ADGRB3: variants seen among roughly 807,000 people sequenced by gnomAD.
ADGRB3 encodes the protein brain-specific angiogenesis inhibitor 3.
In ADGRB3, 37 loss-of-function variants were observed where a neutral mutation model predicts 193.4. The ratio of observed to expected loss-of-function variants is 0.19; its 90% CI spans 0.15 to 0.25. The LOEUF is 0.25. Ranked by LOEUF, ADGRB3 falls within the 10% of genes least tolerant of loss-of-function variation. The probability of loss-of-function intolerance (pLI) is 1.00; values close to 1 mark genes in which losing one functional copy is unlikely to be tolerated. For missense variants in ADGRB3, 1,637 were observed against 1,852.9 expected, an observed-to-expected ratio of 0.88 and a Z score of 2.14; for synonymous variants, 690 against 644.2, an observed-to-expected ratio of 1.07 and a Z score of -1.08.
At chr6:69,146,821 C>CTTTTTTTTTTTTTTTTTTTT (rs756561473) in intron 17 of ADGRB3, among the ~76,000 whole-genome samples, 3 of 103,242 alleles carry the variant, frequency 2.9e-5, no homozygotes, top group Non-Finnish European at 5.5e-5. Context: ...CTCATTACTT[C>CTTTTTTTTTTTTTTTTTTTT]TTTTTTTTTT....
chr6:69,064,579 T>G (rs965257090), intron 16 of ADGRB3, among the ~76,000 whole-genome samples: 3 of 151,980 alleles, frequency 2.0e-5, no homozygotes, highest in African/African-American at 7.2e-5. Context: ...TATTCAAAAT[T>G]TTTTACAAAA....
At chr6:69,195,692 C>T (rs1765279225) in intron 17 of ADGRB3, among the ~76,000 whole-genome samples, 1 of 151,978 alleles carries the variant, frequency 6.6e-6, no homozygotes, top group Admixed American at 6.6e-5. Context: ...TTTGGAGAAA[C>T]CAATACACAA....
At chr6:68,806,044 G>A (rs1767394840) in intron 3 of ADGRB3, among the ~76,000 whole-genome samples, 1 of 152,144 alleles carries the variant, frequency 6.6e-6, no homozygotes. Context: ...CGTAGTCACA[G>A]CCAACATTCT....
chr6:69,130,118 G>A (rs1400023443), intron 17 of ADGRB3, among the ~76,000 whole-genome samples: 1 of 152,016 alleles, frequency 6.6e-6, no homozygotes, highest in Non-Finnish European at 1.5e-5. Flanking sequence ...CAGATTCAGT[G>A]TCTAGTGAGG....
chr6:69,246,241 G>T (rs1167120677), intron 20 of ADGRB3, among the ~76,000 whole-genome samples: 1 of 152,132 alleles, frequency 6.6e-6, no homozygotes, highest in Non-Finnish European at 1.5e-5. Context: ...AGTGTCCCAA[G>T]TGTAAGTCTA....
chr6:68,995,151 A>G (rs1221947354), intron 11 of ADGRB3, among the ~76,000 whole-genome samples: 1 of 152,198 alleles, frequency 6.6e-6, no homozygotes, highest in East Asian at 1.9e-4. Flanking sequence ...TCTTTTGAAC[A>G]TTTCAAAGAT....
At chr6:69,329,091 G>A (rs1474123241) in intron 22 of ADGRB3, among the ~76,000 whole-genome samples, 1 of 105,176 alleles carries the variant, frequency 9.5e-6, no homozygotes, top group Non-Finnish European at 2.1e-5. Context: ...AAGATATACT[G>A]AATCTCTATT....
chr6:68,742,655 G>A (rs1194511820), intron 3 of ADGRB3, among the ~76,000 whole-genome samples: 2 of 152,028 alleles, frequency 1.3e-5, no homozygotes, highest in African/African-American at 2.4e-5. Flanking sequence ...TAAAGGAGAG[G>A]TGAATATTTC....
chr6:68,902,695 T>C (rs1766431149), intron 3 of ADGRB3, among the ~76,000 whole-genome samples: 1 of 151,998 alleles, frequency 6.6e-6, no homozygotes, highest in Non-Finnish European at 1.5e-5. Flanking sequence ...AAAAAATACA[T>C]GTAACCACAT....
chr6:69,210,257 A>T (rs1765634559), intron 17 of ADGRB3, among the ~76,000 whole-genome samples: 1 of 150,080 alleles, frequency 6.7e-6, no homozygotes, highest in African/African-American at 2.5e-5. Context: ...AGCCAGTTTG[A>T]GTTCCAAAAC....
chr6:68,922,654 C>A (rs571690285), intron 3 of ADGRB3, among the ~76,000 whole-genome samples: 7 of 152,284 alleles, frequency 4.6e-5, no homozygotes, highest in Admixed American at 3.3e-4. Context: ...CCTTAGAGAT[C>A]ATGTTCCCGG....
intron 3 of ADGRB3, among the ~76,000 whole-genome samples, chr6:68,725,779 A>G (rs1197712968): frequency 6.6e-6 from 1 of 151,648 alleles, no homozygotes; most frequent in Non-Finnish European, 1.5e-5. Flanking sequence ...GGATGAGTCA[A>G]CACTAGCACA....
intron 3 of ADGRB3, among the ~76,000 whole-genome samples, chr6:68,773,284 C>A (rs1309782077): frequency 2.0e-5 from 3 of 152,226 alleles, no homozygotes; most frequent in Non-Finnish European, 2.9e-5. Flanking sequence ...GGACACAAAT[C>A]CAGCTCTTCT....
intron 17 of ADGRB3, among the ~76,000 whole-genome samples, chr6:69,164,457 A>G (rs1561939351): frequency 6.6e-6 from 1 of 152,110 alleles, no homozygotes; most frequent in Non-Finnish European, 1.5e-5. Context: ...ATATCCAGAC[A>G]TTGGAGTGAT....
chr6:68,886,493 T>C (rs1314446573), intron 3 of ADGRB3, among the ~76,000 whole-genome samples: 1 of 152,100 alleles, frequency 6.6e-6, no homozygotes, highest in Non-Finnish European at 1.5e-5. Flanking sequence ...TTTTATTCAC[T>C]AACAGCTTTC....
At chr6:68,947,569 C>T (rs974602261) in intron 6 of ADGRB3, among the ~76,000 whole-genome samples, 1 of 152,056 alleles carries the variant, frequency 6.6e-6, no homozygotes, top group African/African-American at 2.4e-5. Context: ...TTTCATAATA[C>T]ATTGATATGA....
intron 17 of ADGRB3, among the ~76,000 whole-genome samples, chr6:69,183,184 G>A (rs764261379): frequency 1.3e-5 from 2 of 151,664 alleles, no homozygotes; most frequent in Admixed American, 1.3e-4. Context: ...CATAGTTTTG[G>A]TTAAATTTGA....
Position 69,285,886 on chromosome 6 carries a change from G to A in ADGRB3, c.2815-38986G>A, listed in dbSNP as rs547263173. ...ACCTGTAGACAGATGCCAGTCTAGTGCTTCTACCAACATAAGTCTACCTGG... is the reference window on the plus strand; with the variant it reads ...ACCTGTAGACAGATGCCAGTCTAGTACTTCTACCAACATAAGTCTACCTGG... On this transcript the variant is annotated intron_variant, in intron 20 of 31. Coordinates refer to ENST00000370598, the MANE Select transcript of ADGRB3 (RefSeq NM_001704.3). Among the ~76,000 whole-genome samples, 4 of 151,856 alleles carry A rather than the reference G, an allele frequency of 2.6e-5. No homozygotes were observed. In the South Asian group the frequency reaches 8.3e-4, roughly 32 times the overall value.
At chr6:68,841,571 A>G (rs182143423) in intron 3 of ADGRB3, among the ~76,000 whole-genome samples, 6 of 152,278 alleles carry the variant, frequency 3.9e-5, no homozygotes, top group African/African-American at 1.4e-4. Flanking sequence ...TGGTAATGGA[A>G]ACACAACATA....
Sources: allele counts gnomAD v4.1 joint callset (sites outside exome capture counted in the v4.1 genomes callset), GRCh38; gene constraint gnomAD v4.1.1; transcripts MANE v1.5; gene names NCBI Gene and HGNC (gene_info 2026-07-23, HGNC 2026-07-21).